Variants in TNFSF4 observed in about 807,000 individuals in gnomAD.
TNFSF4 encodes the protein TNF superfamily member 4.
Under a neutral mutation model 7.3 loss-of-function variants are expected in TNFSF4, and 4 were observed. That is an observed-to-expected ratio of 0.55 (90% CI 0.27 to 1.25). TNFSF4 has a LOEUF of 1.25. Among genes scored for constraint, TNFSF4 ranks in the 50% most tolerant of loss-of-function variants. The pLI, the probability that TNFSF4 is intolerant of heterozygous loss-of-function variation, is 0.12. For missense variants in TNFSF4, 181 were observed against 208.8 expected, an observed-to-expected ratio of 0.87 and a Z score of 0.82; for synonymous variants, 76 against 83.7, an observed-to-expected ratio of 0.91 and a Z score of 0.50.
At chr1:173,229,304 A>C in the TNFSF4 span, among the ~76,000 whole-genome samples, 4 of 152,242 alleles carry the variant, frequency 2.6e-5, no homozygotes. Flanking sequence ...AGGAATTTTC[A>C]ACCCAGAATT....
the TNFSF4 span, among the ~76,000 whole-genome samples, chr1:173,332,869 T>C: frequency 6.6e-6 from 1 of 152,078 alleles, no homozygotes; most frequent in Non-Finnish European, 1.5e-5. Context: ...AATACATAAA[T>C]AAACATTTGT....
the TNFSF4 span, among the ~76,000 whole-genome samples, chr1:173,300,532 G>A: frequency 1.3e-5 from 2 of 151,782 alleles, no homozygotes; most frequent in African/African-American, 4.8e-5. Flanking sequence ...CATAGTTGTT[G>A]ACAGCCACTA....
the TNFSF4 span, among the ~76,000 whole-genome samples, chr1:173,295,872 G>A: frequency 3.9e-5 from 6 of 151,938 alleles, no homozygotes; most frequent in African/African-American, 1.4e-4. Flanking sequence ...TTCAATTTTA[G>A]CAGAATTTGT....
At chr1:173,404,862 C>T in the TNFSF4 span, among the ~76,000 whole-genome samples, 4 of 152,042 alleles carry the variant, frequency 2.6e-5, no homozygotes, top group African/African-American at 4.8e-5. Flanking sequence ...AAACTCCTGA[C>T]CTCAAGTGGT....
chr1:173,258,240 C>T, the TNFSF4 span, among the ~76,000 whole-genome samples: 2 of 151,762 alleles, frequency 1.3e-5, no homozygotes, highest in African/African-American at 4.8e-5. Context: ...CCACCAAGAA[C>T]AAAAATGGTA....
the TNFSF4 span, among the ~76,000 whole-genome samples, chr1:173,404,242 G>A: frequency 6.6e-6 from 1 of 152,112 alleles, no homozygotes; most frequent in East Asian, 1.9e-4. Flanking sequence ...GATATCTCCT[G>A]GGACCATGAT....
At chr1:173,417,973 T>C in the TNFSF4 span, 1 of 151,804 alleles carries the variant, frequency 6.6e-6, no homozygotes, top group African/African-American at 2.4e-5. Context: ...CACTCAGTCA[T>C]TTGAGCTCCA....
At chr1:173,312,799 C>T in the TNFSF4 span, among the ~76,000 whole-genome samples, 2 of 152,126 alleles carry the variant, frequency 1.3e-5, no homozygotes, top group African/African-American at 2.4e-5. Context: ...CACACATGCT[C>T]ACAGGGCCCC....
chr1:173,368,483 G>C, the TNFSF4 span, among the ~76,000 whole-genome samples: 1 of 152,146 alleles, frequency 6.6e-6, no homozygotes, highest in Non-Finnish European at 1.5e-5. Flanking sequence ...AGAATTCGGG[G>C]GCTAAATACC....
upstream of TNFSF4, among the ~76,000 whole-genome samples, chr1:173,207,832 G>A (rs893775644): frequency 6.6e-6 from 1 of 152,180 alleles, no homozygotes; most frequent in South Asian, 2.1e-4. Context: ...GTAGTCTATT[G>A]CATAAAAATA....
chr1:173,246,754 G>A, the TNFSF4 span, among the ~76,000 whole-genome samples: 8 of 152,102 alleles, frequency 5.3e-5, no homozygotes, highest in African/African-American at 1.9e-4. Context: ...TAAAGTATGT[G>A]CAAAAAATAA....
chr1:173,438,416 T>C, the TNFSF4 span, among the ~76,000 whole-genome samples: 3 of 152,180 alleles, frequency 2.0e-5, no homozygotes, highest in Non-Finnish European at 4.4e-5. Context: ...CCCTGAAAAT[T>C]TGAGCTGATT....
chr1:173,414,119 C>A, the TNFSF4 span, among the ~76,000 whole-genome samples: 15 of 152,194 alleles, frequency 9.9e-5, no homozygotes, highest in Non-Finnish European at 1.9e-4. Flanking sequence ...TGTGCTCAGG[C>A]TGCCATCACA....
chr1:173,404,183 T>G, the TNFSF4 span, among the ~76,000 whole-genome samples: 7 of 152,174 alleles, frequency 4.6e-5, no homozygotes, highest in African/African-American at 1.7e-4. Flanking sequence ...TTGCCTTGCA[T>G]GCAGTGACAA....
the TNFSF4 span, among the ~76,000 whole-genome samples, chr1:173,241,105 TC>T: frequency 4.6e-5 from 7 of 152,174 alleles, no homozygotes; most frequent in African/African-American, 1.7e-4. Context: ...CACACATACT[TC>T]CTATTTCTAC....
At chr1:173,278,809 A>G in the TNFSF4 span, among the ~76,000 whole-genome samples, 2 of 152,102 alleles carry the variant, frequency 1.3e-5, no homozygotes, top group African/African-American at 4.8e-5. Context: ...TAGCCAATTA[A>G]TCAAGAAGGA....
the TNFSF4 span, among the ~76,000 whole-genome samples, chr1:173,425,762 G>C: frequency 1.3e-5 from 2 of 152,214 alleles, no homozygotes; most frequent in African/African-American, 2.4e-5. Flanking sequence ...CTATGAACTA[G>C]AGCGAGGAGG....
chr1:173,250,455 GTTTT>G, the TNFSF4 span, among the ~76,000 whole-genome samples: 1 of 147,398 alleles, frequency 6.8e-6, no homozygotes, highest in African/African-American at 2.5e-5. Flanking sequence ...TTCATTTTTT[GTTTT>G]TTTGTTTTTT....
the TNFSF4 span, among the ~76,000 whole-genome samples, chr1:173,324,340 C>T: frequency 1.3e-5 from 2 of 152,130 alleles, no homozygotes; most frequent in African/African-American, 4.8e-5. Context: ...ACCAGGCCTG[C>T]CCTAAGAGAG....
Sources: gnomAD v4.1 joint callset for allele counts (sites outside exome capture counted in the v4.1 genomes callset) on GRCh38, gnomAD v4.1.1 for gene constraint, MANE v1.5 for transcripts, NCBI Gene and HGNC (gene_info 2026-07-23, HGNC 2026-07-21) for gene names.